TTC12: variants seen among roughly 807,000 people sequenced by gnomAD.
The protein encoded by TTC12 is tetratricopeptide repeat domain 12.
A neutral mutation model predicts 90.1 loss-of-function variants in TTC12; 70 were observed. The observed-to-expected ratio is 0.78, with a 90% confidence interval of 0.64 to 0.95. The LOEUF is 0.95. TTC12 is among the 40% of genes least tolerant of loss of function. TTC12 has a pLI of 0.00. For missense variants in TTC12, 819 were observed against 846.1 expected (o/e 0.97, Z 0.40); for synonymous variants, 296 against 311.5 (o/e 0.95, Z 0.53).
At chr11:113,358,389 T>G (rs1260401255) in intron 16 of TTC12, among the ~76,000 whole-genome samples, 1 of 152,092 alleles carries the variant, frequency 6.6e-6, no homozygotes, top group Non-Finnish European at 1.5e-5. Flanking sequence ...GGTACTCTGC[T>G]GGTGCTCTCC....
chr11:113,366,438 G>T, downstream of TTC12: 2 of 1,478,338 alleles, frequency 1.4e-6, no homozygotes, highest in East Asian at 2.5e-5. Flanking sequence ...AGGTTTTCAC[G>T]GGTAACAAGA....
chr11:113,325,373 A>G lies in TTC12; in HGVS notation c.323-151A>G, dbSNP rs1273470720. On this transcript the variant is annotated intron_variant, in intron 5 of 21. Coordinates refer to ENST00000529221, the MANE Select transcript of TTC12 (RefSeq NM_017868.4). Reference sequence around the variant, plus strand: ...AAAATACTTGAAGAAGCTGGTCCTGAAGTATCTGCAGAAAAAAACAAGTGT... The same window carrying G: ...AAAATACTTGAAGAAGCTGGTCCTGGAGTATCTGCAGAAAAAAACAAGTGT... The G allele has an allele frequency of 6.4e-6, 5 of 785,668 alleles. No homozygotes were observed. In the East Asian group the frequency reaches 1.4e-4, roughly 22 times the overall value. 48.7% of individuals were successfully genotyped at this position (785,668 alleles called of 1,614,324 possible). A position where few individuals can be genotyped will look rare whatever the true frequency, so the allele number is the denominator to read the frequency against.
intron 17 of TTC12, 77 bp downstream of exon 17, chr11:113,359,538 T>C: frequency 1.0e-6 from 1 of 994,976 alleles, no homozygotes; most frequent in Non-Finnish European, 1.6e-6. Flanking sequence ...CATTCTCATG[T>C]TCACGAAGAG....
intron 13 of TTC12, among the ~76,000 whole-genome samples, chr11:113,347,017 G>A (rs1555148361): frequency 1.3e-5 from 2 of 152,152 alleles, no homozygotes; most frequent in Non-Finnish European, 2.9e-5. Context: ...GTCCTCTCTA[G>A]GTGCTGAGTC....
chr11:113,348,894 C>T (rs1354568138), intron 13 of TTC12, among the ~76,000 whole-genome samples: 1 of 152,202 alleles, frequency 6.6e-6, no homozygotes, highest in Non-Finnish European at 1.5e-5. Context: ...CCCTCACATC[C>T]TAAGCATTAA....
intron 16 of TTC12, among the ~76,000 whole-genome samples, chr11:113,352,830 C>T (rs560589193): frequency 6.6e-6 from 1 of 152,330 alleles, no homozygotes; most frequent in African/African-American, 2.4e-5. Context: ...ATATGTACCA[C>T]ATTTTCTTTA....
intron 21 of TTC12, among the ~76,000 whole-genome samples, chr11:113,371,907 C>T (rs937001962): frequency 2.0e-5 from 3 of 152,154 alleles, no homozygotes; most frequent in Non-Finnish European, 2.9e-5. Flanking sequence ...CTCTCATCAC[C>T]GTACTTGGCA....
rs1555144925 is a variant in TTC12 at position 113,338,819 on chromosome 11, C to T, written c.622C>T (p.Gln208Ter). Reference sequence around the variant, plus strand: ...GATCTTAGAAATAAACCCCAAGCTGCAAACCCAGGTGAAAGGTGAGCACGT... The same window carrying T: ...GATCTTAGAAATAAACCCCAAGCTGTAAACCCAGGTGAAAGGTGAGCACGT... ...KKILEINPKL[Q>*]TQVKGYLNQV... Residue 208 changes from glutamine to a stop codon, truncating the protein, a stop_gained, in exon 9 of 22, where the codon CAA becomes TAA. Transcript: ENST00000529221. LOFTEE classifies it high-confidence loss of function. The T allele has an allele frequency of 8.7e-6, 14 of 1,614,068 alleles. No homozygotes were observed. Among genetic ancestry groups the T allele is most frequent in the Non-Finnish European group, 1.2e-5 (14 of 1,179,956 alleles).
rs374767294 is a variant in TTC12 at position 113,356,100 on chromosome 11, G to A, written c.1447-3263G>A. Among the ~76,000 whole-genome samples, 14 of 152,296 alleles carry A rather than the reference G, an allele frequency of 9.2e-5. No homozygotes were observed. In the East Asian group the frequency reaches 1.7e-3, roughly 19 times the overall value. On this transcript the variant is annotated intron_variant, in intron 16 of 21. Coordinates refer to ENST00000529221, the MANE Select transcript of TTC12 (RefSeq NM_017868.4). The stretch of plus-strand genomic sequence containing the variant: ...TCTCTTTGAAGGTCTCTAAGAACTT[G>A]CTTTATGAATCTGGATGTTTCTGTG...
rs782136922 is a variant in TTC12, at chr11:113,350,166, G to A, written c.1247+1G>A. 3 of 1,602,210 alleles carry A rather than the reference G, an allele frequency of 1.9e-6. No individual in the cohort carries two copies. Among genetic ancestry groups the A allele is most frequent in the Non-Finnish European group, 8.5e-7 (1 of 1,170,586 alleles). ...TCACAGACTTGGCTCTGGAAGAAAG[G>A]TAATTTTTTTATTTATAGAAATTGA... is the stretch of plus-strand genomic sequence containing the variant. On this transcript the variant is annotated splice_donor_variant, in intron 14 of 21. Coordinates refer to ENST00000529221, the MANE Select transcript of TTC12 (RefSeq NM_017868.4). LOFTEE classifies it high-confidence loss of function.
intron 2 of TTC12, among the ~76,000 whole-genome samples, chr11:113,319,785 G>A (rs1371485007): frequency 6.6e-6 from 1 of 152,058 alleles, no homozygotes; most frequent in Admixed American, 6.6e-5. Flanking sequence ...GACAATCAGG[G>A]GAAAGGAATG....
intron 1 of TTC12, among the ~76,000 whole-genome samples, chr11:113,315,723 A>G (rs1477528577): frequency 1.3e-5 from 2 of 152,214 alleles, no homozygotes; most frequent in Non-Finnish European, 2.9e-5. Context: ...ATTATGTTCT[A>G]ATCCCTTCAG....
chr11:113,371,083 G>A (rs2138101683), downstream of TTC12, among the ~76,000 whole-genome samples: 1 of 152,240 alleles, frequency 6.6e-6, no homozygotes, highest in South Asian at 2.1e-4. Flanking sequence ...GCAAGATAGT[G>A]AGAATTATTG....
Position 113,332,961 on chromosome 11 carries a change from T to G in TTC12, c.505-2005T>G, listed in dbSNP as rs548231191. The stretch of plus-strand genomic sequence containing the variant: ...TGGTCAGATCTTTCTTTGACATAGC[T>G]CTGGCATCCTTTCCCTCCCACTCTC... On this transcript the variant is annotated intron_variant, in intron 7 of 21. Coordinates refer to ENST00000529221, the MANE Select transcript of TTC12 (RefSeq NM_017868.4). Among the ~76,000 whole-genome samples, 4 of 152,274 alleles carry G rather than the reference T, an allele frequency of 2.6e-5. No individual in the cohort carries two copies. In the East Asian group the frequency reaches 5.8e-4, roughly 22 times the overall value.
At chr11:113,335,151 T>G (rs1948292876) in intron 8 of TTC12, 114 bp downstream of exon 8, 3 of 805,450 alleles carry the variant, frequency 3.7e-6, no homozygotes, top group Admixed American at 2.4e-5. Flanking sequence ...CATCCTTTAG[T>G]ATTTTCCAAG....
At chr11:113,329,781 T>A in intron 6 of TTC12, 139 bp from the exon 7 acceptor site, 1 of 761,280 alleles carries the variant, frequency 1.3e-6, no homozygotes, top group East Asian at 2.7e-5. Flanking sequence ...GTGCCATCTG[T>A]TTCCTGGCAG....
intron 2 of TTC12, among the ~76,000 whole-genome samples, chr11:113,320,248 G>C (rs6589370): frequency 0.013 from 1,978 of 152,228 alleles, 52 homozygotes; most frequent in African/African-American, 0.045. Flanking sequence ...GTGGAAACAG[G>C]CATTTCTGTT....
In TTC12 at chr11:113,325,661, A is replaced by T. The variant is rs782787607; in HGVS notation, c.444+16A>T. 11 of 1,613,446 alleles carry T rather than the reference A, an allele frequency of 6.8e-6. No individual in the cohort carries two copies. The highest frequency in any genetic ancestry group is 9.3e-6 in the Non-Finnish European group (11 of 1,179,624). The stretch of plus-strand genomic sequence containing the variant: ...CCGAGCCCAGGTCAGTGAGGCAGGG[A>T]TGTATCCATGGGGCTTTCTCAGGGA... On this transcript the variant is annotated intron_variant, in intron 6 of 21. Coordinates refer to ENST00000529221, the MANE Select transcript of TTC12 (RefSeq NM_017868.4).
chr11:113,339,636 T>C, intron 10 of TTC12, 162 bp downstream of exon 10: 1 of 620,432 alleles, frequency 1.6e-6, no homozygotes, highest in Non-Finnish European at 2.7e-6. Context: ...AGAAATGTCC[T>C]CCGACTTCTG....
Sources: gnomAD v4.1 joint callset for allele counts (sites outside exome capture counted in the v4.1 genomes callset) on GRCh38, gnomAD v4.1.1 for gene constraint, MANE v1.5 for transcripts, NCBI Gene and HGNC (gene_info 2026-07-23, HGNC 2026-07-21) for gene names.